Variants in UBR1 observed in about 807,000 individuals in gnomAD.
UBR1 encodes the protein E3 ubiquitin-protein ligase UBR1.
UBR1 carries 102 observed loss-of-function variants against 242.1 expected under a neutral mutation model. The observed-to-expected ratio is 0.42, with a 90% CI of 0.36 to 0.50. UBR1 has a LOEUF of 0.50. UBR1 is among the 20% of genes least tolerant of loss of function. The probability of loss-of-function intolerance (pLI) is 0.01; values close to 1 mark genes in which losing one functional copy is unlikely to be tolerated. For missense variants in UBR1, 1,772 were observed against 2,101.8 expected, an observed-to-expected ratio of 0.84 and a Z score of 3.07; for synonymous variants, 675 against 684.8, an observed-to-expected ratio of 0.99 and a Z score of 0.22.
chr15:42,945,821 T>C (rs1352655045), intron 46 of UBR1, among the ~76,000 whole-genome samples: 1 of 152,226 alleles, frequency 6.6e-6, no homozygotes, highest in Non-Finnish European at 1.5e-5. Flanking sequence ...TTATCTAGCT[T>C]CAATTTATGA....
chr15:43,105,182 A>G lies in UBR1; in HGVS notation c.81+760T>C, dbSNP rs190648787. On this transcript the variant is annotated intron_variant, in intron 1 of 46. Coordinates refer to ENST00000290650, the MANE Select transcript of UBR1 (RefSeq NM_174916.3). ...TGACAGATATTTGAATATTTTCTAC[A>G]TATCTCCACACTAGATGCCCTGGGC... is the stretch of plus-strand genomic sequence containing the variant. Among the ~76,000 whole-genome samples the G allele has an allele frequency of 7.9e-5, 12 of 152,328 alleles. No homozygotes were observed. In the East Asian group the frequency reaches 2.1e-3, roughly 27 times the overall value.
At chr15:42,983,876 A>G (rs1283011362) in intron 37 of UBR1, 21 bp downstream of exon 37, 5 of 1,477,362 alleles carry the variant, frequency 3.4e-6, no homozygotes, top group Non-Finnish European at 4.7e-6. Flanking sequence ...ATACATAATA[A>G]TAGTTCAGAG....
chr15:43,058,259 T>A (rs2033642102), intron 10 of UBR1, 82 bp downstream of exon 10: 2 of 972,396 alleles, frequency 2.1e-6, no homozygotes, highest in Non-Finnish European at 3.2e-6. Context: ...AATTTTTGAT[T>A]CATAATTATC....
chr15:43,051,272 G>A (rs1463065562), intron 12 of UBR1, among the ~76,000 whole-genome samples: 1 of 152,156 alleles, frequency 6.6e-6, no homozygotes, highest in African/African-American at 2.4e-5. Context: ...TCTTTTCTGG[G>A]AACATGGATG....
At chr15:42,974,447 A>C (rs2032256945) in intron 39 of UBR1, among the ~76,000 whole-genome samples, 1 of 152,152 alleles carries the variant, frequency 6.6e-6, no homozygotes, top group African/African-American at 2.4e-5. Context: ...TCTTTTGCCA[A>C]CCACACTGTC....
intron 39 of UBR1, among the ~76,000 whole-genome samples, chr15:42,972,233 AGTTTT>A (rs1457520312): frequency 6.6e-6 from 1 of 152,062 alleles, no homozygotes; most frequent in Non-Finnish European, 1.5e-5. Flanking sequence ...CTGACCCTAT[AGTTTT>A]GTCTTCTCTA....
intron 45 of UBR1, 126 bp from the exon 46 acceptor site, chr15:42,950,489 T>C (rs2031816735): frequency 1.3e-6 from 1 of 757,402 alleles, no homozygotes; most frequent in Admixed American, 2.2e-5. Flanking sequence ...AAAGACAATA[T>C]AAACAGACAA....
rs926829623 is a variant in UBR1 at position 43,021,358 on chromosome 15, T to C, written c.2857A>G (p.Met953Val). 1 of 1,613,590 alleles carries C rather than the reference T, an allele frequency of 6.2e-7. No homozygotes were observed. Among genetic ancestry groups the C allele is most frequent in the African/African-American group, 1.3e-5 (1 of 74,924 alleles). Residue 953 changes from methionine to valine, a missense_variant, in exon 27 of 47, where the codon ATG (methionine) becomes GTG (valine). This residue lies in a region of UBR1 where 965 missense variants were observed against 1,079.7 expected (regional missense o/e 0.89). Transcript: ENST00000290650. ...TTTTCCAAAAGCATTTGTATATTCA[T>C]GGCTGAACTTCCCAATCCTTTTTTA... ...HKASRLGSSAMNIQMLLEKLK... is the reference protein window; with the variant it reads ...HKASRLGSSAVNIQMLLEKLK...
chr15:42,954,602 C>G (rs1029738083), intron 44 of UBR1, among the ~76,000 whole-genome samples: 3 of 152,144 alleles, frequency 2.0e-5, no homozygotes, highest in African/African-American at 4.8e-5. Flanking sequence ...CAGTCTTACT[C>G]TGTTGCCCAG....
At chr15:43,033,932 C>T (rs1306242609) in intron 19 of UBR1, among the ~76,000 whole-genome samples, 2 of 151,896 alleles carry the variant, frequency 1.3e-5, no homozygotes, top group South Asian at 2.1e-4. Context: ...GGTGAAACCT[C>T]GACTCTACTA....
Position 43,021,279 on chromosome 15 carries a change from A to C in UBR1, c.2936T>G (p.Leu979Arg), listed in dbSNP as rs759541918. Residue 979 changes from leucine (L) to arginine (R), a missense_variant, in exon 27 of 47, where the codon CTT becomes CGT. By Grantham distance (102) the Leu-to-Arg change is moderately radical (BLOSUM62 -2). This residue lies in a region of UBR1 where 965 missense variants were observed against 1,079.7 expected (regional missense o/e 0.89). Coordinates refer to ENST00000290650, the MANE Select transcript of UBR1 (RefSeq NM_174916.3). ...EGQKDMITWI[L>R]QMFDTVKRLR... is the part of the protein sequence containing the mutation. ...CACTTTACTTTTTTAGTTTACCTGA[A>C]GTATCCACGTTATCATGTCCTTCTG... The C allele has an allele frequency of 4.3e-6, 7 of 1,613,400 alleles. No individual in the cohort carries two copies. The South Asian group carries it at 5.5e-5, about 13-fold the overall frequency.
At chr15:42,946,850 G>A (rs2031743759) in intron 46 of UBR1, among the ~76,000 whole-genome samples, 2 of 152,076 alleles carry the variant, frequency 1.3e-5, no homozygotes, top group African/African-American at 2.4e-5. Flanking sequence ...GATATAGCTG[G>A]CTAATAAAAA....
At chr15:43,064,607 C>T (rs2033730553) in intron 6 of UBR1, among the ~76,000 whole-genome samples, 1 of 146,650 alleles carries the variant, frequency 6.8e-6, no homozygotes, top group East Asian at 2.0e-4. Flanking sequence ...GATAGAATCT[C>T]GCTCCGTTGC....
intron 6 of UBR1, among the ~76,000 whole-genome samples, chr15:43,064,516 T>C (rs1294175939): frequency 6.6e-6 from 1 of 151,958 alleles, no homozygotes; most frequent in Non-Finnish European, 1.5e-5. Flanking sequence ...ACCAGGGATA[T>C]TGTTCTCTCA....
At chr15:42,953,049 G>A (rs531949309) in intron 44 of UBR1, among the ~76,000 whole-genome samples, 18 of 151,908 alleles carry the variant, frequency 1.2e-4, no homozygotes, top group African/African-American at 2.7e-4. Context: ...TCAGCCTCCC[G>A]AGTAGCTGGG....
chr15:42,948,485 T>C (rs1312639589), intron 46 of UBR1, among the ~76,000 whole-genome samples: 1 of 151,804 alleles, frequency 6.6e-6, no homozygotes, highest in Admixed American at 6.6e-5. Flanking sequence ...ACCATCAGAG[T>C]GAACAGGCAA....
At chr15:43,046,750 T>C (rs573408051) in intron 14 of UBR1, among the ~76,000 whole-genome samples, 2 of 152,304 alleles carry the variant, frequency 1.3e-5, no homozygotes, top group East Asian at 1.9e-4. Context: ...TGGTCTAAAA[T>C]TGCTGCTTAA....
intron 15 of UBR1, among the ~76,000 whole-genome samples, chr15:43,038,723 C>T (rs1163704337): frequency 1.3e-5 from 2 of 152,264 alleles, no homozygotes; most frequent in Admixed American, 1.3e-4. Context: ...AAATCCTACA[C>T]CATGCAAGGT....
chr15:43,092,928 T>C (rs1398606128), intron 1 of UBR1, among the ~76,000 whole-genome samples: 2 of 152,172 alleles, frequency 1.3e-5, no homozygotes, highest in African/African-American at 2.4e-5. Flanking sequence ...CTGTGGAAAA[T>C]TTTTTTCAAC....
Sources: allele counts gnomAD v4.1 joint callset (sites outside exome capture counted in the v4.1 genomes callset), GRCh38; gene constraint gnomAD v4.1.1; regional missense constraint gnomAD v4.1.1; transcripts MANE v1.5; gene names NCBI Gene and HGNC (gene_info 2026-07-23, HGNC 2026-07-21).